The following LUZP2 variants were observed in gnomAD, a reference collection of about 807,000 sequenced individuals.
LUZP2 encodes the protein leucine zipper protein 2.
LUZP2 carries 52 observed loss-of-function variants against 51.6 expected under a neutral mutation model. That is an observed-to-expected ratio of 1.01 (90% CI 0.81 to 1.27). The LOEUF (loss-of-function observed/expected upper bound fraction) is 1.27. LUZP2 is among the 50% of genes most tolerant of loss of function. The pLI is 0.00. For missense variants in LUZP2, 436 were observed against 395.4 expected, an observed-to-expected ratio of 1.10 and a Z score of -0.87; for synonymous variants, 154 against 137.3, an observed-to-expected ratio of 1.12 and a Z score of -0.85.
intron 9 of LUZP2, among the ~76,000 whole-genome samples, chr11:25,003,504 C>G (rs531322536): frequency 6.6e-6 from 1 of 152,346 alleles, no homozygotes; most frequent in South Asian, 2.1e-4. Flanking sequence ...ACTGATGAGT[C>G]TAACATCTTG....
intron 4 of LUZP2, among the ~76,000 whole-genome samples, chr11:24,758,922 T>C (rs1859873904): frequency 6.6e-6 from 1 of 152,034 alleles, no homozygotes; most frequent in Non-Finnish European, 1.5e-5. Flanking sequence ...TTAAAAAATA[T>C]GAAAAAAGAT....
At chr11:24,636,076 A>T (rs1237782919) in intron 1 of LUZP2, among the ~76,000 whole-genome samples, 2 of 152,182 alleles carry the variant, frequency 1.3e-5, no homozygotes, top group African/African-American at 4.8e-5. Context: ...CCTGTAAAAA[A>T]TAAATAACCT....
At chr11:25,050,197 T>C in intron 10 of LUZP2, 67 bp downstream of exon 10, 5 of 784,552 alleles carry the variant, frequency 6.4e-6, no homozygotes, top group Middle Eastern at 2.5e-4. Flanking sequence ...ATTTTAGCAA[T>C]TCTAATTCAT....
At chr11:24,987,624 T>G (rs1179349731) in intron 9 of LUZP2, among the ~76,000 whole-genome samples, 1 of 151,930 alleles carries the variant, frequency 6.6e-6, no homozygotes, top group African/African-American at 2.4e-5. Flanking sequence ...TAATTTTTGT[T>G]TAAATGTGTT....
chr11:24,963,058 C>T (rs940143640), intron 7 of LUZP2, among the ~76,000 whole-genome samples: 5 of 152,146 alleles, frequency 3.3e-5, no homozygotes, highest in Non-Finnish European at 7.3e-5. Flanking sequence ...GTATCAGCAG[C>T]GGTGTTTGCA....
At chr11:24,859,360 C>A (rs1000665694) in intron 5 of LUZP2, among the ~76,000 whole-genome samples, 2 of 152,096 alleles carry the variant, frequency 1.3e-5, no homozygotes, top group East Asian at 3.9e-4. Context: ...TGAAAAGAAC[C>A]ACCCCATTTC....
rs77747650 is a variant in LUZP2 at position 24,890,675 on chromosome 11, G to A, written c.397-15316G>A. On this transcript the variant is annotated intron_variant, in intron 5 of 11. Coordinates refer to ENST00000336930, the MANE Select transcript of LUZP2 (RefSeq NM_001009909.4). ...ACTGGCATCAAAAAATGAACTGGTT[G>A]TTTGAGATAGTCACACAATCTGGAT... Among the ~76,000 whole-genome samples the A allele has an allele frequency of 4.3e-3, 660 of 152,160 alleles. 3 individuals are homozygous for A. Among genetic ancestry groups the A allele is most frequent in the African/African-American group, 0.015 (624 of 41,526 alleles).
intron 1 of LUZP2, among the ~76,000 whole-genome samples, chr11:24,572,468 C>G (rs1362130199): frequency 6.6e-6 from 1 of 151,890 alleles, no homozygotes; most frequent in Non-Finnish European, 1.5e-5. Flanking sequence ...TTATGGAGTT[C>G]ATTATTCTTT....
chr11:24,519,977 A>G (rs1241798909), intron 1 of LUZP2, among the ~76,000 whole-genome samples: 3 of 152,172 alleles, frequency 2.0e-5, no homozygotes, highest in Non-Finnish European at 2.9e-5. Flanking sequence ...ACTATTATTA[A>G]TGATTTATTT....
intron 7 of LUZP2, among the ~76,000 whole-genome samples, chr11:24,946,780 T>C (rs561973326): frequency 6.6e-6 from 1 of 152,162 alleles, no homozygotes; most frequent in East Asian, 1.9e-4. Context: ...TATTTCTTCC[T>C]GTGAATTCAA....
At chr11:24,602,225 T>C (rs896460588) in intron 1 of LUZP2, among the ~76,000 whole-genome samples, 1 of 40,242 alleles carries the variant, frequency 2.5e-5, no homozygotes, top group Non-Finnish European at 6.0e-5. Flanking sequence ...TGTATATATG[T>C]ACATATATGT....
intron 5 of LUZP2, among the ~76,000 whole-genome samples, chr11:24,904,233 A>AT (rs796287624): frequency 2.0e-5 from 3 of 152,122 alleles, no homozygotes; most frequent in African/African-American, 7.2e-5. Flanking sequence ...CATTTTTAGT[A>AT]TATCTATTGG....
At chr11:24,546,405 G>A (rs1206609936) in intron 1 of LUZP2, among the ~76,000 whole-genome samples, 1 of 152,006 alleles carries the variant, frequency 6.6e-6, no homozygotes, top group Non-Finnish European at 1.5e-5. Flanking sequence ...TTAGTATGAG[G>A]ATGACTGTGG....
chr11:24,571,258 G>A (rs1264438695), intron 1 of LUZP2, among the ~76,000 whole-genome samples: 3 of 56,060 alleles, frequency 5.4e-5, no homozygotes, highest in Non-Finnish European at 1.1e-4. Flanking sequence ...AGCTCTAAGA[G>A]GCTGTCATTT....
At chr11:24,663,175 C>A (rs1565062406) in intron 1 of LUZP2, among the ~76,000 whole-genome samples, 1 of 152,052 alleles carries the variant, frequency 6.6e-6, no homozygotes, top group Non-Finnish European at 1.5e-5. Context: ...GCCAAAATGT[C>A]ATGTTAAATT....
At chr11:24,640,124 C>G (rs181851753) in intron 1 of LUZP2, among the ~76,000 whole-genome samples, 6 of 151,888 alleles carry the variant, frequency 4.0e-5, no homozygotes, top group Admixed American at 3.9e-4. Context: ...AGATGATTCC[C>G]AAGTCCTTGA....
At chr11:25,013,341 T>C (rs760564243) in intron 9 of LUZP2, among the ~76,000 whole-genome samples, 17 of 152,270 alleles carry the variant, frequency 1.1e-4, no homozygotes, top group Non-Finnish European at 2.2e-4. Flanking sequence ...AAAAATGTAG[T>C]GTACTTGGGT....
intron 7 of LUZP2, among the ~76,000 whole-genome samples, chr11:24,946,389 A>G (rs1854902185): frequency 2.6e-5 from 4 of 151,832 alleles, no homozygotes; most frequent in Admixed American, 2.6e-4. Flanking sequence ...TGTTTCTGAT[A>G]TGTCTCATGA....
chr11:25,044,013 T>C (rs373790774), intron 9 of LUZP2, among the ~76,000 whole-genome samples: 7,635 of 142,010 alleles, frequency 0.054, 1,114 homozygotes, highest in African/African-American at 0.19. Flanking sequence ...ATATAGTCTA[T>C]ATATATCTGA....
Sources: gnomAD v4.1 joint callset for allele counts (sites outside exome capture counted in the v4.1 genomes callset) on GRCh38, gnomAD v4.1.1 for gene constraint, MANE v1.5 for transcripts, NCBI Gene and HGNC (gene_info 2026-07-23, HGNC 2026-07-21) for gene names.